SPTBN1: variants seen among roughly 807,000 people sequenced by gnomAD.
SPTBN1 encodes the protein spectrin beta, non-erythrocytic 1.
SPTBN1 carries 32 observed loss-of-function variants against 266.4 expected under a neutral mutation model. The observed-to-expected ratio is 0.12, with a 90% CI of 0.09 to 0.16. The LOEUF (loss-of-function observed/expected upper bound fraction) is 0.16. Ranked by LOEUF, SPTBN1 falls within the 10% of genes least tolerant of loss-of-function variation. SPTBN1 has a pLI of 1.00. For synonymous variants in SPTBN1, 1,336 were observed against 1,162.2 expected, an observed-to-expected ratio of 1.15 and a Z score of -3.04; for missense variants, 2,296 against 3,067.1, an observed-to-expected ratio of 0.75 and a Z score of 5.94.
At chr2:54,480,349 A>C (rs1479900600) in intron 1 of SPTBN1, among the ~76,000 whole-genome samples, 1 of 152,248 alleles carries the variant, frequency 6.6e-6, no homozygotes, top group Non-Finnish European at 1.5e-5. Flanking sequence ...GGGTTGCCAG[A>C]TTTAGGAAAA....
intron 35 of SPTBN1, 46 bp from the exon 36 acceptor site, chr2:54,668,304 AT>A: frequency 6.3e-7 from 1 of 1,591,108 alleles, no homozygotes; most frequent in Non-Finnish European, 8.6e-7. Context: ...AGAACCCCTC[AT>A]GCCTACTCTT....
chr2:54,578,119 T>C (rs1399276816), intron 2 of SPTBN1, among the ~76,000 whole-genome samples: 1 of 152,196 alleles, frequency 6.6e-6, no homozygotes, highest in Non-Finnish European at 1.5e-5. Context: ...TATATGAAAT[T>C]ATTTGTAATG....
Position 54,651,178 on chromosome 2 carries a change from G to A in SPTBN1, c.5577+1189G>A, listed in dbSNP as rs113180750. ...CCTTGACAACATAGGTCTTTCCTCTGCACCTCTAAAATCATTTACTTTTAG... is the reference window on the plus strand; with the variant it reads ...CCTTGACAACATAGGTCTTTCCTCTACACCTCTAAAATCATTTACTTTTAG... On this transcript the variant is annotated intron_variant, in intron 26 of 35. Coordinates refer to ENST00000356805, the MANE Select transcript of SPTBN1 (RefSeq NM_003128.3). 5.6e-3 allele frequency among the ~76,000 whole-genome samples: 860 copies of A among 152,292 alleles called. 11 individuals carry two copies. The highest frequency in any genetic ancestry group is 0.02 in the African/African-American group (827 of 41,554).
chr2:54,469,612 A>T (rs561145187), intron 1 of SPTBN1, among the ~76,000 whole-genome samples: 1 of 152,312 alleles, frequency 6.6e-6, no homozygotes, highest in African/African-American at 2.4e-5. Context: ...AGGCAGCTGC[A>T]AATGTTAGGT....
chr2:54,529,258 A>T (rs1671042844), intron 2 of SPTBN1: 3 of 406,232 alleles, frequency 7.4e-6, no homozygotes, highest in South Asian at 4.0e-5. Flanking sequence ...AGACCACTTC[A>T]TCTGGACCGA....
intron 24 of SPTBN1, among the ~76,000 whole-genome samples, chr2:54,647,590 G>C (rs1680004384): frequency 6.6e-6 from 1 of 152,186 alleles, no homozygotes. Flanking sequence ...TGTAATCCCA[G>C]CACTTTACCA....
intron 31 of SPTBN1, 116 bp from the exon 32 acceptor site, chr2:54,659,820 T>C (rs1680916095): frequency 6.8e-7 from 1 of 1,460,078 alleles, no homozygotes. Flanking sequence ...AATTAAATTA[T>C]GTGAAAAGGT....
intron 2 of SPTBN1, among the ~76,000 whole-genome samples, chr2:54,581,446 C>G (rs954745862): frequency 6.6e-6 from 1 of 152,324 alleles, no homozygotes; most frequent in African/African-American, 2.4e-5. Flanking sequence ...GCATTTGCTG[C>G]TGCTTTCCAG....
intron 1 of SPTBN1, among the ~76,000 whole-genome samples, chr2:54,507,955 G>C (rs905292243): frequency 1.3e-5 from 2 of 152,152 alleles, no homozygotes; most frequent in African/African-American, 4.8e-5. Flanking sequence ...GGGAGAGGTA[G>C]AGGGTGGCAT....
In SPTBN1 at chr2:54,494,907, T is replaced by C. The variant is rs564499859; in HGVS notation, c.-47-31465T>C. ...TATATCAGTTATACCTGAATAAAGC[T>C]GTTTTTTTTTAAAAAAAAAAAAATG... On this transcript the variant is annotated intron_variant, in intron 1 of 35. Transcript: ENST00000356805. 1.6e-4 allele frequency among the ~76,000 whole-genome samples: 16 copies of C among 99,384 alleles called. No individual in the cohort carries two copies. The South Asian group carries it at 5.0e-3, about 31-fold the overall frequency. 65.2% of individuals were successfully genotyped at this position (99,384 alleles called of 152,430 possible).
Position 54,506,894 on chromosome 2 carries a change from C to CTTT in SPTBN1, c.-47-19466_-47-19464dup, listed in dbSNP as rs779582626. Among the ~76,000 whole-genome samples the CTTT allele has an allele frequency of 3.0e-5, 4 of 133,502 alleles. 1 individual carries two copies. The highest frequency in any genetic ancestry group is 4.7e-5 in the Non-Finnish European group (3 of 64,162). The allele number at this position is 133,502 out of a possible 152,430, so 87.6% of individuals were successfully genotyped here. A position where few individuals can be genotyped will look rare whatever the true frequency, so the allele number is the denominator to read the frequency against. ...AGTTTAGGTTGATCTGGTTCTCTCT[C>CTTT]TTTTTTTTTTTTTTGAGCAACAAGA... On this transcript the variant is annotated intron_variant, in intron 1 of 35. Coordinates refer to ENST00000356805, the MANE Select transcript of SPTBN1 (RefSeq NM_003128.3).
At chr2:54,580,022 TTAAC>T (rs1186226611) in intron 2 of SPTBN1, among the ~76,000 whole-genome samples, 2 of 152,200 alleles carry the variant, frequency 1.3e-5, no homozygotes, top group African/African-American at 4.8e-5. Context: ...ATGTAAATAA[TTAAC>T]AGGGGAATAT....
intron 32 of SPTBN1, chr2:54,660,596 T>C: frequency 1.0e-6 from 1 of 985,514 alleles, no homozygotes; most frequent in South Asian, 4.7e-5. Flanking sequence ...ATTCATTTAT[T>C]GAAGATGACA....
intron 1 of SPTBN1, among the ~76,000 whole-genome samples, chr2:54,514,952 T>A (rs1349290963): frequency 6.6e-6 from 1 of 152,226 alleles, no homozygotes; most frequent in African/African-American, 2.4e-5. Flanking sequence ...ACTAGCAAAT[T>A]AACCACAACA....
chr2:54,583,450 G>T (rs1010894097), intron 2 of SPTBN1, among the ~76,000 whole-genome samples: 1 of 152,118 alleles, frequency 6.6e-6, no homozygotes, highest in African/African-American at 2.4e-5. Flanking sequence ...GAGCTTTTCT[G>T]ACCAAAGTGT....
chr2:54,598,702 G>C (rs756323974), intron 2 of SPTBN1, among the ~76,000 whole-genome samples: 1 of 152,132 alleles, frequency 6.6e-6, no homozygotes, highest in East Asian at 1.9e-4. Flanking sequence ...GTATAGGGCA[G>C]GACTGCAAAG....
intron 1 of SPTBN1, among the ~76,000 whole-genome samples, chr2:54,508,558 C>T (rs1669699631): frequency 6.6e-6 from 1 of 151,924 alleles, no homozygotes; most frequent in Non-Finnish European, 1.5e-5. Flanking sequence ...CGGCTTGCAA[C>T]CTACATGGAA....
At chr2:54,659,881 T>G in intron 31 of SPTBN1, 55 bp from the exon 32 acceptor site, 4 of 1,581,250 alleles carry the variant, frequency 2.5e-6, no homozygotes, top group Admixed American at 1.8e-5. Flanking sequence ...TCTTACTGTT[T>G]CCTCTTTCTC....
chr2:54,645,172 C>G lies in SPTBN1; in HGVS notation c.4270-57C>G. ...CCAGGCCCAGCAGTTCTGCTTAGAG[C>G]CAGTCACTGCAAAAGATAGTCTGTG... On this transcript the variant is annotated intron_variant, in intron 20 of 35. Coordinates refer to ENST00000356805, the MANE Select transcript of SPTBN1 (RefSeq NM_003128.3). The surrounding 1 kb of genome is among the most constrained non-coding windows in gnomAD (Gnocchi z 4.3). The G allele has an allele frequency of 5.1e-6, 8 of 1,580,468 alleles. No homozygotes were observed. The highest frequency in any genetic ancestry group is 6.9e-6 in the Non-Finnish European group (8 of 1,152,098).
Sources: gnomAD v4.1 joint callset for allele counts (sites outside exome capture counted in the v4.1 genomes callset) on GRCh38, gnomAD v4.1.1 for gene constraint, Gnocchi (gnomAD v3.1) non-coding constraint, MANE v1.5 for transcripts, NCBI Gene and HGNC (gene_info 2026-07-23, HGNC 2026-07-21) for gene names.